The following MRNIP variants were observed in gnomAD, a reference collection of about 807,000 sequenced individuals.
MRNIP encodes MRN complex-interacting protein.
A neutral mutation model predicts 29.8 loss-of-function variants in MRNIP; 30 were observed. The observed-to-expected ratio is 1.01, with a 90% CI of 0.75 to 1.36. The LOEUF is 1.36. MRNIP is among the 40% of genes most tolerant of loss of function. MRNIP has a pLI of 0.00. For synonymous variants in MRNIP, 201 were observed against 164.1 expected (o/e 1.23, Z -1.72); for missense variants, 459 against 423.5 (o/e 1.08, Z -0.74).
At position 179,840,884 on chromosome 5, in the gene MRNIP, C is replaced by T. The variant is rs767486225; in HGVS notation, c.525G>A (p.Trp175Ter). The change falls in exon 6 of 7, where the codon TGG (tryptophan) becomes TGA (stop). Residue 175 changes from tryptophan (W) to a stop codon, truncating the protein, a stop_gained. Coordinates refer to ENST00000292586, the MANE Select transcript of MRNIP (RefSeq NM_016175.4). LOFTEE classifies it low-confidence loss of function (END_TRUNC). ...GTTTGTCACTGACCTTCTGGGGTCCCCAGGCGACCTCAGAGCCACCCGAGT... is the reference window on the plus strand; with the variant it reads ...GTTTGTCACTGACCTTCTGGGGTCCTCAGGCGACCTCAGAGCCACCCGAGT... ...VQDSGGSEVA[W>*]GPQKGQAGLT... is the part of the protein sequence containing the mutation. The T allele has an allele frequency of 7.4e-6, 12 of 1,610,770 alleles. No individual in the cohort carries two copies. Among genetic ancestry groups the T allele is most frequent in the South Asian group, 1.1e-5 (1 of 90,292 alleles).
At chr5:179,843,073 GGGAGGGAGGCAGGCAA>G (rs145215377) in intron 4 of MRNIP, among the ~76,000 whole-genome samples, 20 of 146,282 alleles carry the variant, frequency 1.4e-4, no homozygotes, top group Non-Finnish European at 2.6e-4. Context: ...GAGGGAGGGA[GGGAGGGAGGCAGGCAA>G]GCAGGCAAGC....
intron 2 of MRNIP, chr5:179,853,071 C>T: frequency 1.9e-6 from 1 of 534,344 alleles, no homozygotes; most frequent in Non-Finnish European, 3.2e-6. Flanking sequence ...TTCTCTTCCC[C>T]TTCCACACAA....
chr5:179,840,829 C>G (rs779799077), intron 6 of MRNIP, 43 bp downstream of exon 6: 16 of 1,304,942 alleles, frequency 1.2e-5, no homozygotes, highest in Non-Finnish European at 1.1e-5. Context: ...CACACACACG[C>G]TCAGTGGTCA....
chr5:179,843,051 AAGGAAGGAAGGGAGGG>A (rs769342376), intron 4 of MRNIP, among the ~76,000 whole-genome samples: 77 of 129,168 alleles, frequency 6.0e-4, no homozygotes, highest in Non-Finnish European at 1.1e-3. Flanking sequence ...AGAAGGAAGG[AAGGAAGGAAGGGAGGG>A]AGGGAGGGAG....
chr5:179,841,936 G>T lies in MRNIP; in HGVS notation c.420C>A (p.Pro140=), dbSNP rs755111311. ...QPSSKMEEPG[P]RFSQDLPRKR... is the part of the protein sequence containing the mutation. ...TTCTAGGCAGGTCTTGACTGAAGCGGGGGCCTGGCTCCTCCATTTTGGATG... is the reference window on the plus strand; with the variant it reads ...TTCTAGGCAGGTCTTGACTGAAGCGTGGGCCTGGCTCCTCCATTTTGGATG... The change falls in exon 5 of 7, where the codon CCC becomes CCA. Residue 140 remains proline (P), a synonymous_variant. Coordinates refer to ENST00000292586, the MANE Select transcript of MRNIP (RefSeq NM_016175.4). 6.2e-7 allele frequency: 1 copy of T among 1,613,976 alleles called. No individual in the cohort carries two copies.
At chr5:179,843,303 G>A (rs775295860) in intron 4 of MRNIP, among the ~76,000 whole-genome samples, 8 of 152,016 alleles carry the variant, frequency 5.3e-5, no homozygotes, top group East Asian at 1.9e-4. Flanking sequence ...AAACTATACC[G>A]CAGCACAGAA....
intron 1 of MRNIP, among the ~76,000 whole-genome samples, chr5:179,855,289 C>T (rs921234000): frequency 5.3e-5 from 8 of 152,010 alleles, no homozygotes; most frequent in African/African-American, 1.7e-4. Context: ...GGATTACAGG[C>T]ACGTGCCACC....
Position 179,837,304 on chromosome 5 carries a change from T to A in MRNIP, c.*87A>T. 1.2e-6 allele frequency: 2 copies of A among 1,602,082 alleles called. No individual in the cohort carries two copies. Among genetic ancestry groups the A allele is most frequent in the Non-Finnish European group, 8.5e-7 (1 of 1,174,346 alleles). On this transcript the variant is annotated 3_prime_UTR_variant, in exon 7 of 7. Transcript: ENST00000292586. ...TTGACAGTAAGTTTATTGTTAATGG[T>A]TCTTACAGAGTATCTTTAAAAGTGC...
chr5:179,846,331 TGGA>T (rs1759128532), intron 3 of MRNIP, among the ~76,000 whole-genome samples: 1 of 151,846 alleles, frequency 6.6e-6, no homozygotes, highest in South Asian at 2.1e-4. Context: ...ATTGGCAGGC[TGGA>T]GTGCAGTGGC....
At chr5:179,849,164 G>C (rs1582050708) in intron 2 of MRNIP, among the ~76,000 whole-genome samples, 1 of 144,334 alleles carries the variant, frequency 6.9e-6, no homozygotes, top group East Asian at 2.1e-4. Context: ...GAATTTGAGA[G>C]TACGGGTCCT....
chr5:179,843,127 CATA>C (rs1312137402), intron 4 of MRNIP, among the ~76,000 whole-genome samples: 2 of 151,712 alleles, frequency 1.3e-5, no homozygotes, highest in Non-Finnish European at 2.9e-5. Flanking sequence ...CTAAATGCCA[CATA>C]ATAAGGAATC....
At chr5:179,848,409 T>C (rs1759218154) in intron 2 of MRNIP, among the ~76,000 whole-genome samples, 2 of 152,184 alleles carry the variant, frequency 1.3e-5, no homozygotes, top group African/African-American at 2.4e-5. Flanking sequence ...TTGTATAACA[T>C]ACTGCCAAAA....
chr5:179,837,989 CTT>C (rs1758687859), intron 6 of MRNIP, 104 bp from the exon 7 acceptor site: 1 of 1,104,278 alleles, frequency 9.1e-7, no homozygotes. Flanking sequence ...GGTTCTGACA[CTT>C]TCTGCTGGAA....
At chr5:179,847,944 G>T in intron 3 of MRNIP, 34 bp downstream of exon 3, 1 of 1,439,620 alleles carries the variant, frequency 6.9e-7, no homozygotes, top group Non-Finnish European at 9.7e-7. Flanking sequence ...CGAAAACAGG[G>T]CAAGACAACC....
intron 2 of MRNIP, 133 bp downstream of exon 2, chr5:179,853,245 C>T (rs758601317): frequency 9.6e-6 from 15 of 1,565,280 alleles, no homozygotes; most frequent in Non-Finnish European, 1.2e-5. Context: ...GAACAGGAAG[C>T]TCGGAAGCAG....
At chr5:179,856,497 G>A (rs1181431690) in intron 1 of MRNIP, among the ~76,000 whole-genome samples, 1 of 151,330 alleles carries the variant, frequency 6.6e-6, no homozygotes, top group African/African-American at 2.4e-5. Flanking sequence ...TTTGAGACAG[G>A]GTCTGGCTGT....
chr5:179,858,232 T>C (rs1382987715), intron 1 of MRNIP, among the ~76,000 whole-genome samples: 2 of 152,066 alleles, frequency 1.3e-5, no homozygotes, highest in Non-Finnish European at 2.9e-5. Context: ...GAAACACAGA[T>C]TATCTGTCTT....
chr5:179,837,909 C>T, intron 6 of MRNIP, 24 bp from the exon 7 acceptor site: 2 of 1,592,496 alleles, frequency 1.3e-6, no homozygotes, highest in South Asian at 1.1e-5. Context: ...TGGCCATGCC[C>T]TCCATGTGTA....
At chr5:179,846,879 G>T (rs1759156988) in intron 3 of MRNIP, among the ~76,000 whole-genome samples, 1 of 152,086 alleles carries the variant, frequency 6.6e-6, no homozygotes, top group African/African-American at 2.4e-5. Context: ...TTGTTAGGAG[G>T]TGTCCTACTG....
Sources: gnomAD v4.1 joint callset for allele counts (sites outside exome capture counted in the v4.1 genomes callset) on GRCh38, gnomAD v4.1.1 for gene constraint, MANE v1.5 for transcripts, NCBI Gene and HGNC (gene_info 2026-07-23, HGNC 2026-07-21) for gene names.